Variants in TTN observed in about 807,000 individuals in gnomAD.
The protein encoded by TTN is titin, also known as connectin.
Under a neutral mutation model 3,223.0 loss-of-function variants are expected in TTN, and 1,525 were observed. The ratio of observed to expected loss-of-function variants is 0.47; its 90% CI spans 0.45 to 0.49. TTN has a LOEUF of 0.49. TTN is among the 20% of genes least tolerant of loss of function. The pLI is 0.00. For synonymous variants in TTN, 14,094 were observed against 15,161.0 expected (o/e 0.93, Z 5.17); for missense variants, 40,786 against 43,424.0 (o/e 0.94, Z 5.40).
In TTN at chr2:178,723,086, C is replaced by T. The variant is rs376209242; in HGVS notation, c.21921G>A (p.Glu7307=). 6.2e-7 allele frequency: 1 copy of T among 1,613,606 alleles called. No individual in the cohort carries two copies. Among genetic ancestry groups the T allele is most frequent in the African/African-American group, 1.3e-5 (1 of 75,008 alleles). The part of the protein sequence containing the change: ...AGQYSCEIEN[E]AGRDVCGALV... ...GAGCTCCACAAACATCCCTTCCTGCCTCATTTTCAATCTCGCAGGAATACT... is the reference window on the plus strand; with the variant it reads ...GAGCTCCACAAACATCCCTTCCTGCTTCATTTTCAATCTCGCAGGAATACT... The change falls in exon 75 of 363, where the codon GAG becomes GAA. Residue 7307 remains glutamate (E), a synonymous_variant. Coordinates refer to ENST00000589042, the MANE Select transcript of TTN (RefSeq NM_001267550.2).
rs1060500405 is a variant in TTN, at chr2:178,621,502, G to A, written c.45322C>T (p.Arg15108Ter). 3 of 1,612,180 alleles carry A rather than the reference G, an allele frequency of 1.9e-6. No homozygotes were observed. Among genetic ancestry groups the A allele is most frequent in the Non-Finnish European group, 8.5e-7 (1 of 1,179,040 alleles). The change falls in exon 245 of 363, where the codon CGA becomes TGA. Residue 15108 changes from arginine to a stop codon, truncating the protein, a stop_gained. Transcript: ENST00000589042. LOFTEE classifies it high-confidence loss of function. ...GNYNCRLPSSRTDGKVKVHEL... is the reference protein window; with the variant it reads ...GNYNCRLPSS ...TGTACTTTGACTTTGCCATCGGTTC[G>A]AGAGCTTGGGAGTCGACAGTTGTAG...
In TTN at chr2:178,795,375, C is replaced by T. The variant is rs3754949; in HGVS notation, c.915-123G>A. The T allele has an allele frequency of 0.037, 30,989 of 837,752 alleles. 1,649 individuals are homozygous for T. Among genetic ancestry groups the T allele is most frequent in the African/African-American group, 0.18 (10,560 of 60,074 alleles). The allele number at this position is 837,752 out of a possible 1,614,324, so 51.9% of individuals were successfully genotyped here. On this transcript the variant is annotated intron_variant, in intron 6 of 362. Transcript: ENST00000589042. Reference sequence around the variant, plus strand: ...TTTTAAAATGTGTGCCTCCATAACCCATTCAGAGGGTAAATAATGTACTTG... The same window carrying T: ...TTTTAAAATGTGTGCCTCCATAACCTATTCAGAGGGTAAATAATGTACTTG...
chr2:178,622,665 C>T lies in TTN; in HGVS notation c.44913+5G>A. The stretch of plus-strand genomic sequence containing the variant: ...GTACAAGATGACAGGTATACAGTCA[C>T]AGACCTTAGCATTTTCTCGGGAAAG... On this transcript the variant is annotated splice_donor_5th_base_variant and intron_variant, in intron 243 of 362. Coordinates refer to ENST00000589042, the MANE Select transcript of TTN (RefSeq NM_001267550.2). 6.2e-7 allele frequency: 1 copy of T among 1,600,290 alleles called. No homozygotes were observed. The highest frequency in any genetic ancestry group is 1.1e-5 in the South Asian group (1 of 88,724).
intron 138 of TTN, 116 bp downstream of exon 138, chr2:178,680,963 T>A (rs150208296): frequency 9.1e-5 from 85 of 934,138 alleles, no homozygotes; most frequent in Non-Finnish European, 1.2e-4. Context: ...ACATCCAACA[T>A]TCTGCTGACA....
rs745914315 is a variant in TTN, at chr2:178,598,903, C to T, written c.56807G>A (p.Arg18936Gln). 40 of 1,612,994 alleles carry T rather than the reference C, an allele frequency of 2.5e-5. No homozygotes were observed. The highest frequency in any genetic ancestry group is 4.5e-5 in the East Asian group (2 of 44,718). The part of the protein sequence containing the change: ...TTSKRWKRVN[R>Q]DPIKAMTLGV... ...CAAAGTCATGGCTTTGATAGGATCT[C>T]GGTTAACTCTCTTCCATCTCTTTGA... The change falls in exon 291 of 363, where the codon CGA becomes CAA. Residue 18936 changes from arginine to glutamine, a missense_variant. Transcript: ENST00000589042.
intron 96 of TTN, among the ~76,000 whole-genome samples, chr2:178,711,742 T>C (rs1373969084): frequency 6.6e-6 from 1 of 152,206 alleles, no homozygotes; most frequent in Non-Finnish European, 1.5e-5. Context: ...AATGATTGCA[T>C]AATCCTTCCA....
In TTN at chr2:178,599,024, C is replaced by T. The variant is rs370629962; in HGVS notation, c.56686G>A (p.Val18896Met). 95 of 1,592,682 alleles carry T rather than the reference C, an allele frequency of 6.0e-5. No individual in the cohort carries two copies. The highest frequency in any genetic ancestry group is 3.8e-4 in the East Asian group (17 of 44,164). ...GAPDKPTVSS[V>M]TRNSMTVNWE... ...TTGACAGTCATGGAGTTACGAGTCA[C>T]GCTGCTAACTGTTGGTTTATCTGGT... Residue 18896 changes from valine (V) to methionine (M), a missense_variant, in exon 291 of 363, where the codon GTG becomes ATG. Val to Met is a conservative substitution (Grantham distance 21). Coordinates refer to ENST00000589042, the MANE Select transcript of TTN (RefSeq NM_001267550.2).
chr2:178,558,968 C>T (rs1426928970), intron 326 of TTN: 1 of 362,610 alleles, frequency 2.8e-6, no homozygotes, highest in African/African-American at 2.2e-5. Flanking sequence ...TGTACACACG[C>T]ACATACACAC....
chr2:178,727,394 A>G (rs979293257), intron 68 of TTN, 23 bp from the exon 69 acceptor site: 6 of 1,544,898 alleles, frequency 3.9e-6, no homozygotes, highest in Non-Finnish European at 4.3e-6. Context: ...GAAAGAGGAG[A>G]GTATCAGGGA....
chr2:178,587,113 C>T lies in TTN; in HGVS notation c.64093+5G>A. 6.2e-7 allele frequency: 1 copy of T among 1,613,042 alleles called. No homozygotes were observed. Among genetic ancestry groups the T allele is most frequent in the South Asian group, 1.1e-5 (1 of 91,026 alleles). ...TTAAAAGGAGGAAGAAAGCATAATA[C>T]TTACTTAGAGGATCTGATGCAAGCA... is the stretch of plus-strand genomic sequence containing the variant. On this transcript the variant is annotated splice_donor_5th_base_variant and intron_variant, in intron 307 of 362. Transcript: ENST00000589042.
At chr2:178,620,681 T>A in intron 247 of TTN, 34 bp downstream of exon 247, 1 of 1,604,738 alleles carries the variant, frequency 6.2e-7, no homozygotes, top group Admixed American at 1.7e-5. Context: ...CAGAAACTGA[T>A]GAAAAAATCT....
At chr2:178,737,079 GAAAGAAAGA>G (rs977096538) in intron 49 of TTN, among the ~76,000 whole-genome samples, 2 of 151,940 alleles carry the variant, frequency 1.3e-5, no homozygotes, top group African/African-American at 4.8e-5. Context: ...TGGGAAGAGG[GAAAGAAAGA>G]AAAGAAAGAA....
At position 178,789,432 on chromosome 2, in the gene TTN, T is replaced by C; in HGVS notation, c.2004A>G (p.Glu668=). The C allele has an allele frequency of 6.2e-7, 1 of 1,613,608 alleles. No homozygotes were observed. Residue 668 remains glutamate, a synonymous_variant, in exon 13 of 363, where the codon GAA becomes GAG. Transcript: ENST00000589042. ...TIAVATAKAK[E]QETILRTRET... Reference sequence around the variant, plus strand: ...CTCTAGTTCTCAGTATTGTTTCTTGTTCTTTGGCTTTAGCAGTAGCAACTG... The same window carrying C: ...CTCTAGTTCTCAGTATTGTTTCTTGCTCTTTGGCTTTAGCAGTAGCAACTG...
intron 47 of TTN, chr2:178,743,073 CTT>C (rs1179286104): frequency 6.6e-6 from 1 of 151,988 alleles, no homozygotes; most frequent in Non-Finnish European, 1.5e-5. Flanking sequence ...TTCGCGTTAC[CTT>C]TCCCTTCACT....
At chr2:178,791,983 A>G in intron 10 of TTN, 89 bp downstream of exon 10, 2 of 1,417,168 alleles carry the variant, frequency 1.4e-6, no homozygotes, top group Non-Finnish European at 1.9e-6. Context: ...AGACTTCTCC[A>G]TTTAAGGGTT....
In TTN at chr2:178,702,066, T is replaced by C. The variant is rs746536923; in HGVS notation, c.30512A>G (p.Glu10171Gly). The C allele has an allele frequency of 3.7e-6, 6 of 1,609,638 alleles. No homozygotes were observed. Among genetic ancestry groups the C allele is most frequent in the Non-Finnish European group, 5.1e-6 (6 of 1,178,652 alleles). ...AGGAGGCTTCAGCTCAAGTTTGATT[T>C]CTGCAAAATAAAAAAAAAATGATAT... ...STAELYLTTKEIKLELKPPDI... is the reference protein window; with the variant it reads ...STAELYLTTKGIKLELKPPDI... The change falls in exon 109 of 363, where the codon GAA becomes GGA. Residue 10171 changes from glutamate (E) to glycine (G), a missense_variant and splice_region_variant. By Grantham distance (98) the Glu-to-Gly change is moderately conservative. Transcript: ENST00000589042.
rs766029734 is a variant in TTN at position 178,731,649 on chromosome 2, T to A, written c.17182+44A>T. The A allele has an allele frequency of 5.1e-6, 8 of 1,574,046 alleles. No individual in the cohort carries two copies. The Admixed American group carries it at 7.3e-5, about 14-fold the overall frequency. On this transcript the variant is annotated intron_variant, in intron 58 of 362. Coordinates refer to ENST00000589042, the MANE Select transcript of TTN (RefSeq NM_001267550.2). ...GCAAAAGTGGCTTAAAAAAAAGAAT[T>A]GACTCTTCAGAAAAGCCAGTCCCTC...
In TTN at chr2:178,739,369, T is replaced by A. The variant is rs397517831; in HGVS notation, c.13864A>T (p.Ile4622Phe). ...LVDTVSEEGDIVHLTTSITNA... is the reference protein window; with the variant it reads ...LVDTVSEEGDFVHLTTSITNA... ...GTTATGGATGTTGTGAGGTGTACAA[T>A]ATCACCTTCCTCAGAAACAGTGTCC... The change falls in exon 48 of 363, where the codon ATT (isoleucine) becomes TTT (phenylalanine). Residue 4622 changes from isoleucine (I) to phenylalanine (F), a missense_variant. Coordinates refer to ENST00000589042, the MANE Select transcript of TTN (RefSeq NM_001267550.2). The A allele has an allele frequency of 6.2e-7, 1 of 1,613,780 alleles. No homozygotes were observed. The highest frequency in any genetic ancestry group is 1.7e-5 in the Admixed American group (1 of 59,984).
chr2:178,579,133 C>T lies in TTN; in HGVS notation c.67897G>A (p.Glu22633Lys). The T allele has an allele frequency of 6.2e-7, 1 of 1,613,402 alleles. No individual in the cohort carries two copies. Among genetic ancestry groups the T allele is most frequent in the South Asian group, 1.1e-5 (1 of 91,074 alleles). ...ACAACCTTTATGGAGATAGTTCCTTCCTTGGTGCCAGCAACATTCTTAAGT... is the reference window on the plus strand; with the variant it reads ...ACAACCTTTATGGAGATAGTTCCTTTCTTGGTGCCAGCAACATTCTTAAGT... ...ITLKNVAGTK[E>K]GTISIKVVGK... The change falls in exon 320 of 363, where the codon GAA becomes AAA. Residue 22633 changes from glutamate (E) to lysine (K), a missense_variant. Transcript: ENST00000589042.
Sources: allele counts gnomAD v4.1 joint callset (sites outside exome capture counted in the v4.1 genomes callset), GRCh38; gene constraint gnomAD v4.1.1; transcripts MANE v1.5; gene names NCBI Gene and HGNC (gene_info 2026-07-23, HGNC 2026-07-21).